DGKI: variants seen among roughly 807,000 people sequenced by gnomAD.
The protein encoded by DGKI is diacylglycerol kinase iota.
In DGKI, 55 loss-of-function variants were observed where a neutral mutation model predicts 147.5. The observed-to-expected ratio is 0.37, with a 90% CI of 0.30 to 0.47. The LOEUF (loss-of-function observed/expected upper bound fraction) is 0.47, where lower values mean the gene tolerates loss of function less well. Ranked by LOEUF, DGKI falls within the 20% of genes least tolerant of loss-of-function variation. The probability of loss-of-function intolerance (pLI) is 1.00; values close to 1 mark genes in which losing one functional copy is unlikely to be tolerated. For synonymous variants in DGKI, 469 were observed against 477.1 expected (o/e 0.98, Z 0.22); for missense variants, 1,007 against 1,323.8 (o/e 0.76, Z 3.71).
At chr7:137,632,630 G>A (rs12113425) in intron 6 of DGKI, among the ~76,000 whole-genome samples, 5,329 of 152,100 alleles carry the variant, frequency 0.035, 335 homozygotes, top group African/African-American at 0.12. Flanking sequence ...AGGCCAAGGC[G>A]GGCAGATCAC....
intron 20 of DGKI, among the ~76,000 whole-genome samples, chr7:137,538,911 C>T (rs1817601108): frequency 1.3e-5 from 2 of 152,188 alleles, no homozygotes; most frequent in South Asian, 2.1e-4. Context: ...AAGCCCCAGC[C>T]TGGACTCCAG....
At chr7:137,739,545 T>C (rs368606897) in intron 1 of DGKI, among the ~76,000 whole-genome samples, 33 of 152,302 alleles carry the variant, frequency 2.2e-4, no homozygotes, top group African/African-American at 7.9e-4. Flanking sequence ...AGGGCCTCTC[T>C]GGGAACTCCA....
chr7:137,569,848 A>G (rs1192449185), intron 19 of DGKI, among the ~76,000 whole-genome samples: 1 of 151,782 alleles, frequency 6.6e-6, no homozygotes, highest in Non-Finnish European at 1.5e-5. Context: ...TGCAATAAAC[A>G]TAAAAAGCTC....
At chr7:137,594,372 C>T (rs1417366391) in intron 12 of DGKI, among the ~76,000 whole-genome samples, 2 of 152,054 alleles carry the variant, frequency 1.3e-5, no homozygotes, top group African/African-American at 4.8e-5. Flanking sequence ...AAATAATATA[C>T]AATTAAAGTA....
At chr7:137,517,327 GAAAGAAAGAAAGAGAA>G (rs1261730492) in intron 21 of DGKI, among the ~76,000 whole-genome samples, 324 of 107,960 alleles carry the variant, frequency 3.0e-3, no homozygotes, top group Non-Finnish European at 4.5e-3. Flanking sequence ...AAGAAAGAAA[GAAAGAAAGAAAGAGAA>G]AGAAAGAAAG....
chr7:137,437,136 C>A (rs1813316609), intron 28 of DGKI, among the ~76,000 whole-genome samples: 1 of 152,106 alleles, frequency 6.6e-6, no homozygotes, highest in African/African-American at 2.4e-5. Flanking sequence ...GTCAATACTG[C>A]ACTGAAGGTT....
At chr7:137,637,390 A>G (rs1821350952) in intron 6 of DGKI, among the ~76,000 whole-genome samples, 1 of 152,250 alleles carries the variant, frequency 6.6e-6, no homozygotes, top group African/African-American at 2.4e-5. Context: ...ATGTAAAAGG[A>G]AAACTGTCCT....
chr7:137,381,810 T>G lies in DGKI; in HGVS notation c.*9410A>C, dbSNP rs983147638. The G allele has an allele frequency of 3.3e-5, 5 of 152,140 alleles. No individual in the cohort carries two copies. Among genetic ancestry groups the G allele is most frequent in the Non-Finnish European group, 5.9e-5 (4 of 68,014 alleles). The allele number at this position is 152,140 out of a possible 1,614,324, so 9.4% of individuals were successfully genotyped here. A position where few individuals can be genotyped will look rare whatever the true frequency, so the allele number is the denominator to read the frequency against. ...AAGATGTGTTTTGCAAAATATTCTG[T>G]TGTGTTAGAATATTTTGTCTATGAG... On this transcript the variant is annotated 3_prime_UTR_variant, in exon 33 of 33. Coordinates refer to ENST00000614521, the MANE Select transcript of DGKI (RefSeq NM_001321708.2).
At chr7:137,611,096 T>A (rs1820347780) in intron 8 of DGKI, among the ~76,000 whole-genome samples, 1 of 152,212 alleles carries the variant, frequency 6.6e-6, no homozygotes, top group African/African-American at 2.4e-5. Context: ...TCTTTTATCA[T>A]GTCCCTCACT....
In DGKI at chr7:137,524,494, G is replaced by C. The variant is rs150799741; in HGVS notation, c.2148-2528C>G. On this transcript the variant is annotated intron_variant, in intron 20 of 32. Coordinates refer to ENST00000614521, the MANE Select transcript of DGKI (RefSeq NM_001321708.2). ...TAGCAAAGAGTGTTAGGAATTAGAT[G>C]CAAGTAGGGAGGAAAAAATTTACGC... Among the ~76,000 whole-genome samples, 549 of 152,246 alleles carry C rather than the reference G, an allele frequency of 3.6e-3. 3 individuals are homozygous for C. The highest frequency in any genetic ancestry group is 0.024 in the South Asian group (116 of 4,824).
At chr7:137,833,260 C>T (rs191112553) in intron 1 of DGKI, among the ~76,000 whole-genome samples, 35 of 152,256 alleles carry the variant, frequency 2.3e-4, no homozygotes, top group Non-Finnish European at 4.1e-4. Flanking sequence ...AAGACATACC[C>T]GAGACTGGGC....
At chr7:137,617,126 A>G (rs1283556394) in intron 8 of DGKI, among the ~76,000 whole-genome samples, 1 of 103,718 alleles carries the variant, frequency 9.6e-6, no homozygotes, top group African/African-American at 9.4e-5. Flanking sequence ...CCTTTTACCA[A>G]AAAAAAAAAA....
chr7:137,586,488 G>A (rs1354881592), intron 13 of DGKI, among the ~76,000 whole-genome samples: 1 of 152,120 alleles, frequency 6.6e-6, no homozygotes, highest in East Asian at 1.9e-4. Context: ...TATATACACA[G>A]TGTGTGTATA....
chr7:137,657,344 C>A (rs533049089), intron 3 of DGKI, among the ~76,000 whole-genome samples: 2 of 152,182 alleles, frequency 1.3e-5, no homozygotes, highest in Admixed American at 1.3e-4. Context: ...GGCTTCAGAG[C>A]TCATGCTTAT....
intron 21 of DGKI, among the ~76,000 whole-genome samples, chr7:137,520,482 G>A (rs188841743): frequency 2.0e-5 from 3 of 152,188 alleles, no homozygotes; most frequent in Admixed American, 1.3e-4. Context: ...ATTAGAAAAT[G>A]TAATATGTTG....
chr7:137,721,259 T>C lies in DGKI; in HGVS notation c.402-31257A>G, dbSNP rs565205018. ...AATCCTACTACAAACAATCCTACAATGAATGTCTTTCTGTATAAAGGCTTG... is the reference window on the plus strand; with the variant it reads ...AATCCTACTACAAACAATCCTACAACGAATGTCTTTCTGTATAAAGGCTTG... On this transcript the variant is annotated intron_variant, in intron 1 of 32. Transcript: ENST00000614521. 5.3e-5 allele frequency among the ~76,000 whole-genome samples: 8 copies of C among 152,344 alleles called. No individual in the cohort carries two copies. The South Asian group carries it at 1.7e-3, about 32-fold the overall frequency.
chr7:137,707,704 C>T (rs994750002), intron 1 of DGKI, among the ~76,000 whole-genome samples: 1 of 152,152 alleles, frequency 6.6e-6, no homozygotes, highest in Non-Finnish European at 1.5e-5. Context: ...TTCCTGAGGC[C>T]TCCTCAGAAG....
At chr7:137,558,475 G>A (rs141925192) in intron 19 of DGKI, among the ~76,000 whole-genome samples, 2,304 of 152,134 alleles carry the variant, frequency 0.015, 42 homozygotes, top group African/African-American at 0.051. Context: ...ACAGGGTTTC[G>A]CCATGTTGGC....
chr7:137,720,878 T>G (rs980355380), intron 1 of DGKI, among the ~76,000 whole-genome samples: 2 of 152,180 alleles, frequency 1.3e-5, no homozygotes, highest in Admixed American at 6.5e-5. Flanking sequence ...CAAAAAAGCT[T>G]TTTTACTATC....
Sources: allele counts gnomAD v4.1 joint callset (sites outside exome capture counted in the v4.1 genomes callset), GRCh38; gene constraint gnomAD v4.1.1; transcripts MANE v1.5; gene names NCBI Gene and HGNC (gene_info 2026-07-23, HGNC 2026-07-21).